Variants in COL19A1 observed in about 807,000 individuals in gnomAD.
COL19A1 encodes collagen alpha-1(XIX) chain.
A neutral mutation model predicts 190.2 loss-of-function variants in COL19A1; 159 were observed. That is an observed-to-expected ratio of 0.84 (90% CI 0.73 to 0.95). The LOEUF (loss-of-function observed/expected upper bound fraction) is 0.95, where lower values mean the gene tolerates loss of function less well. Ranked by LOEUF, COL19A1 falls within the 40% of genes least tolerant of loss-of-function variation. The pLI is 0.00. For missense variants in COL19A1, 1,418 were observed against 1,431.9 expected (o/e 0.99, Z 0.16); for synonymous variants, 509 against 458.9 (o/e 1.11, Z -1.39).
chr6:70,163,481 A>C, intron 36 of COL19A1, 85 bp downstream of exon 36: 1 of 1,290,698 alleles, frequency 7.7e-7, no homozygotes, highest in Non-Finnish European at 1.1e-6. Flanking sequence ...GAGCCATAAA[A>C]TCAAGCAAAG....
chr6:70,022,146 T>C (rs1778449272), intron 11 of COL19A1, among the ~76,000 whole-genome samples: 1 of 152,016 alleles, frequency 6.6e-6, no homozygotes, highest in Non-Finnish European at 1.5e-5. Context: ...GCAAATAAAA[T>C]GATAATGTTC....
At chr6:70,027,485 T>C (rs1466697118) in intron 12 of COL19A1, among the ~76,000 whole-genome samples, 2 of 152,084 alleles carry the variant, frequency 1.3e-5, no homozygotes, top group African/African-American at 4.8e-5. Context: ...CAACCTAATC[T>C]AAATGCCAGT....
intron 9 of COL19A1, among the ~76,000 whole-genome samples, chr6:69,944,396 A>G (rs1773660952): frequency 6.6e-6 from 1 of 152,126 alleles, no homozygotes; most frequent in Admixed American, 6.6e-5. Context: ...TACCTCAAGG[A>G]AAGTTTAAAT....
rs577065995 is a variant in COL19A1 at position 69,984,895 on chromosome 6, A to G, written c.1026+22025A>G. 1.1e-4 allele frequency among the ~76,000 whole-genome samples: 17 copies of G among 152,274 alleles called. No individual in the cohort carries two copies. In the South Asian group the frequency reaches 2.5e-3, roughly 22 times the overall value. ...ATTAGCCAGCCTAAAACCTATTTCC[A>G]TAGGAGATTGATAATTTTCTTCATT... is the stretch of plus-strand genomic sequence containing the variant. On this transcript the variant is annotated intron_variant, in intron 11 of 50. Coordinates refer to ENST00000620364, the MANE Select transcript of COL19A1 (RefSeq NM_001858.6).
intron 17 of COL19A1, among the ~76,000 whole-genome samples, chr6:70,122,228 C>A (rs1257257868): frequency 6.6e-6 from 1 of 152,102 alleles, no homozygotes; most frequent in Admixed American, 6.5e-5. Context: ...TATCATAGAT[C>A]TAGCCTCTCT....
intron 9 of COL19A1, among the ~76,000 whole-genome samples, chr6:69,944,912 T>C (rs1481350300): frequency 1.3e-5 from 2 of 152,058 alleles, no homozygotes; most frequent in South Asian, 2.1e-4. Flanking sequence ...TAATTAATAC[T>C]TTTCTTTCAT....
At chr6:69,983,576 T>C (rs58134065) in intron 11 of COL19A1, among the ~76,000 whole-genome samples, 31,695 of 152,072 alleles carry the variant, frequency 0.21, 5,582 homozygotes, top group African/African-American at 0.47. Context: ...TTCAATATTT[T>C]ATCACTAAGT....
chr6:70,005,040 G>A (rs927203306), intron 11 of COL19A1, among the ~76,000 whole-genome samples: 4 of 152,064 alleles, frequency 2.6e-5, no homozygotes, highest in Non-Finnish European at 4.4e-5. Context: ...CACTGTGTTA[G>A]CCAGGATGGT....
At chr6:70,027,270 AAT>A (rs1778777875) in intron 12 of COL19A1, among the ~76,000 whole-genome samples, 1 of 152,138 alleles carries the variant, frequency 6.6e-6, no homozygotes, top group Admixed American at 6.6e-5. Flanking sequence ...TCTTAGTGTC[AAT>A]GTATCTTATA....
At chr6:70,077,229 T>G (rs1002770525) in intron 15 of COL19A1, among the ~76,000 whole-genome samples, 3 of 152,214 alleles carry the variant, frequency 2.0e-5, no homozygotes, top group African/African-American at 7.2e-5. Context: ...TTTGTTTTTC[T>G]TATACATTAT....
At chr6:70,006,772 G>A (rs557102026) in intron 11 of COL19A1, among the ~76,000 whole-genome samples, 11 of 151,746 alleles carry the variant, frequency 7.2e-5, no homozygotes, top group Admixed American at 5.2e-4. Context: ...ACATTTATAG[G>A]ATATGAATAT....
At position 70,207,364 on chromosome 6, in the gene COL19A1, C is replaced by CTTTTTT. The variant is rs36112821; in HGVS notation, c.*108_*113dup. On this transcript the variant is annotated 3_prime_UTR_variant, in exon 51 of 51. Transcript: ENST00000620364. The stretch of plus-strand genomic sequence containing the variant: ...TCAAACCCTCATCATCTGTGGGTTG[C>CTTTTTT]TTTTTTTTTTTTTTTTTTTTTTTGG... 2 of 178,080 alleles carry CTTTTTT rather than the reference C, an allele frequency of 1.1e-5. No homozygotes were observed. The allele number at this position is 178,080 out of a possible 1,614,324, so 11.0% of individuals were successfully genotyped here. A position where few individuals can be genotyped will look rare whatever the true frequency, so the allele number is the denominator to read the frequency against.
chr6:70,207,753 A>G lies in COL19A1; in HGVS notation c.*479A>G, dbSNP rs1249989393. 6.6e-6 allele frequency: 1 copy of G among 152,162 alleles called. No individual in the cohort carries two copies. The highest frequency in any genetic ancestry group is 2.4e-5 in the African/African-American group (1 of 41,434). 9.4% of individuals were successfully genotyped at this position (152,162 alleles called of 1,614,324 possible). On this transcript the variant is annotated 3_prime_UTR_variant, in exon 51 of 51. Transcript: ENST00000620364. ...TTGATATAGTGCATTGCTCCTGTTG[A>G]ATGTTTTTTGACTACTTTTTATAAC...
chr6:69,974,698 A>G (rs1021048448), intron 11 of COL19A1, among the ~76,000 whole-genome samples: 4 of 152,108 alleles, frequency 2.6e-5, no homozygotes, highest in Admixed American at 2.0e-4. Flanking sequence ...TATTATTTTG[A>G]CCAATCTAAT....
intron 12 of COL19A1, among the ~76,000 whole-genome samples, chr6:70,028,523 G>A (rs1037997465): frequency 6.6e-6 from 1 of 152,088 alleles, no homozygotes; most frequent in African/African-American, 2.4e-5. Flanking sequence ...TGGTTATTCT[G>A]TTAGATTCCT....
intron 12 of COL19A1, among the ~76,000 whole-genome samples, chr6:70,033,365 C>G (rs1201004813): frequency 6.6e-6 from 1 of 152,062 alleles, no homozygotes; most frequent in Admixed American, 6.6e-5. Flanking sequence ...ACTTGCTGTG[C>G]ATTGTGTGGC....
intron 11 of COL19A1, among the ~76,000 whole-genome samples, chr6:70,001,967 G>A (rs546756421): frequency 2.6e-5 from 4 of 152,270 alleles, no homozygotes; most frequent in Admixed American, 2.6e-4. Flanking sequence ...AATGCTTCCA[G>A]CTTTTGCCCA....
At chr6:69,963,234 A>AT in intron 11 of COL19A1, among the ~76,000 whole-genome samples, 1 of 152,284 alleles carries the variant, frequency 6.6e-6, no homozygotes, top group Middle Eastern at 3.4e-3. Context: ...TATCAGTGGA[A>AT]TTTTTTTCCT....
intron 11 of COL19A1, among the ~76,000 whole-genome samples, chr6:70,003,206 C>T (rs1205310237): frequency 6.6e-6 from 1 of 152,086 alleles, no homozygotes; most frequent in African/African-American, 2.4e-5. Context: ...TTTCTTAATC[C>T]TGAGTTCAAA....
Sources: gnomAD v4.1 joint callset for allele counts (sites outside exome capture counted in the v4.1 genomes callset) on GRCh38, gnomAD v4.1.1 for gene constraint, MANE v1.5 for transcripts, NCBI Gene and HGNC (gene_info 2026-07-23, HGNC 2026-07-21) for gene names.